Variants in PTPRA observed in about 807,000 individuals in gnomAD.
PTPRA encodes protein tyrosine phosphatase receptor type A, also known as receptor-type tyrosine-protein phosphatase alpha.
PTPRA carries 25 observed loss-of-function variants against 104.8 expected under a neutral mutation model. That is an observed-to-expected ratio of 0.24 (90% CI 0.17 to 0.33). PTPRA has a LOEUF of 0.33. Among genes scored for constraint, PTPRA ranks in the 10% least tolerant of loss-of-function variants. The pLI is 1.00. For synonymous variants in PTPRA, 323 were observed against 368.9 expected, an observed-to-expected ratio of 0.88 and a Z score of 1.43; for missense variants, 765 against 1,015.3, an observed-to-expected ratio of 0.75 and a Z score of 3.35.
chr20:2,999,328 C>T (rs2063533181), intron 9 of PTPRA, among the ~76,000 whole-genome samples: 1 of 152,146 alleles, frequency 6.6e-6, no homozygotes, highest in Non-Finnish European at 1.5e-5. Flanking sequence ...AAAATCCCAA[C>T]AGGTTTTTTT....
intron 14 of PTPRA, among the ~76,000 whole-genome samples, chr20:3,021,682 T>C (rs903873845): frequency 1.3e-5 from 2 of 152,174 alleles, no homozygotes; most frequent in African/African-American, 4.8e-5. Context: ...AAAGGGAGCA[T>C]GGGGAGGCAG....
chr20:2,865,282 G>A, the PTPRA span: 108 of 1,614,046 alleles, frequency 6.7e-5, no homozygotes, highest in Non-Finnish European at 8.3e-5. The surrounding 1 kb of genome is among the most constrained non-coding windows in gnomAD (Gnocchi z 5.2). Flanking sequence ...AGCGTGCAGA[G>A]CAGCTGGCAC....
intron 9 of PTPRA, among the ~76,000 whole-genome samples, chr20:3,004,082 A>T (rs2063750963): frequency 6.6e-6 from 1 of 152,144 alleles, no homozygotes; most frequent in African/African-American, 2.4e-5. Flanking sequence ...CAATGGCGTG[A>T]TCTTGGCTCA....
intron 2 of PTPRA, among the ~76,000 whole-genome samples, chr20:2,931,833 T>C (rs1163915099): frequency 1.3e-5 from 2 of 152,052 alleles, no homozygotes; most frequent in African/African-American, 4.8e-5. Context: ...ACCTCCTCCC[T>C]CAGGCCTCCT....
At chr20:3,002,623 G>A (rs931726387) in intron 9 of PTPRA, among the ~76,000 whole-genome samples, 2 of 152,054 alleles carry the variant, frequency 1.3e-5, no homozygotes, top group African/African-American at 4.8e-5. Context: ...CACCGCGCCT[G>A]GCCCAAATGT....
upstream of PTPRA, among the ~76,000 whole-genome samples, chr20:2,872,198 T>C (rs1349478416): frequency 6.6e-6 from 1 of 151,598 alleles, no homozygotes; most frequent in African/African-American, 2.4e-5. This position sits in a 1 kb window ranked among gnomAD's most constrained non-coding sequence, Gnocchi z 7.9. Flanking sequence ...AAGGCGGTGG[T>C]GGGGACCGGA....
At chr20:3,000,144 C>A (rs1214772645) in intron 9 of PTPRA, among the ~76,000 whole-genome samples, 1 of 151,910 alleles carries the variant, frequency 6.6e-6, no homozygotes, top group African/African-American at 2.4e-5. Flanking sequence ...AAAAATTAGC[C>A]AGGTGTGGTG....
At chr20:3,033,874 T>C (rs1231418174) in intron 20 of PTPRA, among the ~76,000 whole-genome samples, 1 of 134,818 alleles carries the variant, frequency 7.4e-6, no homozygotes, top group Admixed American at 8.3e-5. Flanking sequence ...CACTCCAGCG[T>C]GGGCAATAAG....
At chr20:2,917,614 A>G (rs1410243102) in intron 1 of PTPRA, among the ~76,000 whole-genome samples, 2 of 152,180 alleles carry the variant, frequency 1.3e-5, no homozygotes, top group South Asian at 4.1e-4. Context: ...CATTTATCCA[A>G]CATTTCTAGA....
In PTPRA at chr20:3,024,393, A is replaced by C. The variant is rs2065033830; in HGVS notation, c.1465-79A>C. The C allele has an allele frequency of 2.2e-6, 3 of 1,394,996 alleles. No homozygotes were observed. In the Admixed American group the frequency reaches 5.6e-5, roughly 26 times the overall value. The allele number at this position is 1,394,996 out of a possible 1,614,324, so 86.4% of individuals were successfully genotyped here. Reference sequence around the variant, plus strand: ...TCAAAGGAGAAATGGACTGGAGTGAAGTGGGGGTGGGAACAGGTGATCTGG... The same window carrying C: ...TCAAAGGAGAAATGGACTGGAGTGACGTGGGGGTGGGAACAGGTGATCTGG... On this transcript the variant is annotated intron_variant, in intron 16 of 23. Transcript: ENST00000399903.
At chr20:2,945,412 T>A (rs1389484595) in intron 2 of PTPRA, among the ~76,000 whole-genome samples, 1 of 152,206 alleles carries the variant, frequency 6.6e-6, no homozygotes, top group African/African-American at 2.4e-5. Flanking sequence ...TTTCAGGGAC[T>A]GATTTGCTTT....
chr20:2,910,443 TAAGTAAAGTATATATTA>T (rs2059661393), intron 1 of PTPRA, among the ~76,000 whole-genome samples: 2 of 130,736 alleles, frequency 1.5e-5, no homozygotes, highest in African/African-American at 5.8e-5. Context: ...ATATTATATA[TAAGTAAAGTATATATTA>T]TATATAATTT....
At chr20:3,019,863 G>A (rs1161880549) in intron 13 of PTPRA, among the ~76,000 whole-genome samples, 1 of 152,156 alleles carries the variant, frequency 6.6e-6, no homozygotes, top group Non-Finnish European at 1.5e-5. Context: ...CTTGCGGTTA[G>A]GAGCTGGAGA....
At chr20:2,957,433 C>A (rs755922087) in intron 3 of PTPRA, among the ~76,000 whole-genome samples, 6 of 152,188 alleles carry the variant, frequency 3.9e-5, no homozygotes, top group Non-Finnish European at 5.9e-5. Context: ...AGGCTGGAAG[C>A]AGCTGTTTTA....
intron 1 of PTPRA, 75 bp from the exon 2 acceptor site, chr20:2,923,132 G>T (rs2060158759): frequency 1.7e-6 from 1 of 584,736 alleles, no homozygotes; most frequent in Admixed American, 4.6e-5. Flanking sequence ...CCTAGGCTGG[G>T]CTTGAATTCC....
intron 6 of PTPRA, among the ~76,000 whole-genome samples, chr20:2,982,371 C>T (rs953049570): frequency 6.6e-6 from 1 of 152,010 alleles, no homozygotes; most frequent in Non-Finnish European, 1.5e-5. Flanking sequence ...TGCCTAATTA[C>T]TTTCTTATAA....
intron 5 of PTPRA, among the ~76,000 whole-genome samples, chr20:2,967,247 G>C (rs1679345522): frequency 6.6e-6 from 1 of 152,150 alleles, no homozygotes; most frequent in Admixed American, 6.5e-5. Flanking sequence ...TAAGAATCTA[G>C]TTATTGTACA....
At position 2,950,021 on chromosome 20, in the gene PTPRA, G is replaced by T. The variant is rs970552745; in HGVS notation, c.-7+1997G>T. The stretch of plus-strand genomic sequence containing the variant: ...AATATATATTATTGTGTAAAAGTGA[G>T]CCTGTGATTTTCTTTCTTGTAATGT... On this transcript the variant is annotated intron_variant, in intron 3 of 23. Coordinates refer to ENST00000399903, the MANE Select transcript of PTPRA (RefSeq NM_001385305.1). This position sits in a 1 kb window ranked among gnomAD's most constrained non-coding sequence, Gnocchi z 4.0. Among the ~76,000 whole-genome samples, 1 of 152,082 alleles carries T rather than the reference G, an allele frequency of 6.6e-6. No individual in the cohort carries two copies. Among genetic ancestry groups the T allele is most frequent in the South Asian group, 2.1e-4 (1 of 4,822 alleles).
intron 1 of PTPRA, among the ~76,000 whole-genome samples, chr20:2,893,597 A>G (rs1311223760): frequency 1.3e-5 from 2 of 152,146 alleles, no homozygotes; most frequent in Non-Finnish European, 2.9e-5. Context: ...CTATATTTTC[A>G]TCCCCAAAAT....
Sources: gnomAD v4.1 joint callset for allele counts (sites outside exome capture counted in the v4.1 genomes callset) on GRCh38, gnomAD v4.1.1 for gene constraint, Gnocchi (gnomAD v3.1) non-coding constraint, MANE v1.5 for transcripts, NCBI Gene and HGNC (gene_info 2026-07-23, HGNC 2026-07-21) for gene names.